The following ABHD12 variants were observed in gnomAD, a reference collection of about 807,000 sequenced individuals.
ABHD12 encodes lysophosphatidylserine lipase ABHD12.
In ABHD12, 43 loss-of-function variants were observed where a neutral mutation model predicts 58.3. That is an observed-to-expected ratio of 0.74 (90% CI 0.58 to 0.95). The LOEUF is 0.95. ABHD12 is among the 40% of genes least tolerant of loss of function. The pLI, the probability that ABHD12 is intolerant of heterozygous loss-of-function variation, is 0.00. For missense variants in ABHD12, 539 were observed against 537.2 expected (o/e 1.00, Z -0.03); for synonymous variants, 219 against 211.2 (o/e 1.04, Z -0.32).
chr20:25,314,927 C>G lies in ABHD12; in HGVS notation c.617G>C (p.Arg206Thr). ...LGYHVVTFDY[R>T]GWGDSVGTPS... ...TGCTCTTGCAAAAGAAATCTCACCT[C>G]TGTAGTCAAAGGTGACCACATGGTA... The change falls in exon 6 of 13, where the codon AGA (arginine) becomes ACA (threonine). Residue 206 changes from arginine to threonine, a missense_variant and splice_region_variant. Arg to Thr is a moderately conservative substitution (Grantham distance 71). Transcript: ENST00000339157. 1 of 1,614,142 alleles carries G rather than the reference C, an allele frequency of 6.2e-7. No individual in the cohort carries two copies. Among genetic ancestry groups the G allele is most frequent in the South Asian group, 1.1e-5 (1 of 91,086 alleles).
chr20:25,368,040 C>T (rs775494691), intron 1 of ABHD12, among the ~76,000 whole-genome samples: 1 of 152,216 alleles, frequency 6.6e-6, no homozygotes, highest in Non-Finnish European at 1.5e-5. Flanking sequence ...TCCAATTTCT[C>T]ATATCATTGC....
chr20:25,388,505 C>T lies in ABHD12; in HGVS notation c.191+2008G>A, dbSNP rs556844981. 3.3e-5 allele frequency among the ~76,000 whole-genome samples: 5 copies of T among 152,182 alleles called. No individual in the cohort carries two copies. In the East Asian group the frequency reaches 9.7e-4, roughly 29 times the overall value. On this transcript the variant is annotated intron_variant, in intron 1 of 12. Transcript: ENST00000339157. ...CTCAGTGAGGAGGAGGTGATGGTGG[C>T]GCAGAGCCTGAGCGAGGAAGAGAAG...
intron 2 of ABHD12, among the ~76,000 whole-genome samples, chr20:25,336,019 A>G (rs939503735): frequency 1.8e-4 from 28 of 152,126 alleles, no homozygotes; most frequent in African/African-American, 6.5e-4. Flanking sequence ...CTATTTCCAA[A>G]AAAGCCCTCC....
At chr20:25,320,086 T>G in intron 4 of ABHD12, 113 bp downstream of exon 4, 1 of 1,502,930 alleles carries the variant, frequency 6.7e-7, no homozygotes. Flanking sequence ...GTACACCCAA[T>G]TTTGTGGGAC....
At chr20:25,334,913 A>C (rs2089337855) in intron 2 of ABHD12, among the ~76,000 whole-genome samples, 1 of 151,676 alleles carries the variant, frequency 6.6e-6, no homozygotes, top group Non-Finnish European at 1.5e-5. Context: ...TTCATGTCTA[A>C]AACACCAAAA....
At chr20:25,312,838 C>T in intron 6 of ABHD12, among the ~76,000 whole-genome samples, 1 of 151,926 alleles carries the variant, frequency 6.6e-6, no homozygotes, top group African/African-American at 2.4e-5. Flanking sequence ...GCGACCCCGT[C>T]TGGGAGGTGA....
intron 1 of ABHD12, among the ~76,000 whole-genome samples, chr20:25,381,102 C>T (rs1365221848): frequency 6.6e-6 from 1 of 152,124 alleles, no homozygotes; most frequent in Non-Finnish European, 1.5e-5. Context: ...CCCTGCTTGC[C>T]CACCGCAGTC....
intron 1 of ABHD12, among the ~76,000 whole-genome samples, chr20:25,364,089 G>A (rs2089788545): frequency 6.6e-6 from 1 of 152,130 alleles, no homozygotes; most frequent in Non-Finnish European, 1.5e-5. Flanking sequence ...TGATCATCAG[G>A]ACAGGTCACA....
chr20:25,376,590 A>G (rs183755167), intron 1 of ABHD12, among the ~76,000 whole-genome samples: 1 of 152,348 alleles, frequency 6.6e-6, no homozygotes, highest in Admixed American at 6.5e-5. Flanking sequence ...TGCTTTACAC[A>G]CAGCCACATA....
At chr20:25,309,659 G>A in intron 6 of ABHD12, 84 bp from the exon 7 acceptor site, 1 of 1,588,688 alleles carries the variant, frequency 6.3e-7, no homozygotes, top group Non-Finnish European at 8.6e-7. Context: ...GGGGCCCAGG[G>A]CCAGGAGGAG....
At position 25,300,684 on chromosome 20, in the gene ABHD12, C is replaced by CA; in HGVS notation, c.*160dup. On this transcript the variant is annotated 3_prime_UTR_variant, in exon 13 of 13. Transcript: ENST00000339157. ...CAGGCCTCCGGGCACTGCAGGCCTG[C>CA]AGGGGCCTCCCCGCCTGGGATCTGA... 2.0e-6 allele frequency: 3 copies of CA among 1,531,950 alleles called. 1 individual carries two copies. In the South Asian group the frequency reaches 3.6e-5, roughly 18 times the overall value. The allele number at this position is 1,531,950 out of a possible 1,614,324, so 94.9% of individuals were successfully genotyped here.
In ABHD12 at chr20:25,312,829, C is replaced by T. The variant is rs568690753; in HGVS notation, c.619+2096G>A. ...TGTGAGGAGCGCCTCTGCCCGGCCG[C>T]GACCCCGTCTGGGAGGTGAGGAGCG... On this transcript the variant is annotated intron_variant, in intron 6 of 12. Coordinates refer to ENST00000339157, the MANE Select transcript of ABHD12 (RefSeq NM_001042472.3). Among the ~76,000 whole-genome samples, 6 of 151,552 alleles carry T rather than the reference C, an allele frequency of 4.0e-5. No homozygotes were observed. The East Asian group carries it at 5.8e-4, about 15-fold the overall frequency.
intron 2 of ABHD12, among the ~76,000 whole-genome samples, chr20:25,325,746 G>A (rs182865484): frequency 6.6e-6 from 1 of 152,238 alleles, no homozygotes. Context: ...AAGCCACTCA[G>A]TTTGCAGGTT....
chr20:25,362,530 C>T (rs183894394), intron 1 of ABHD12, among the ~76,000 whole-genome samples: 3,182 of 144,468 alleles, frequency 0.022, 106 homozygotes, highest in African/African-American at 0.076. Context: ...CGCGCCACTG[C>T]ACTCCAGCCT....
chr20:25,372,112 C>G (rs2089906444), intron 1 of ABHD12, among the ~76,000 whole-genome samples: 1 of 152,160 alleles, frequency 6.6e-6, no homozygotes, highest in Non-Finnish European at 1.5e-5. Context: ...AGCGATCCCA[C>G]CATCTTGATC....
chr20:25,314,795 G>A, intron 6 of ABHD12, 130 bp downstream of exon 6: 4 of 1,043,932 alleles, frequency 3.8e-6, no homozygotes, highest in Non-Finnish European at 6.0e-6. Flanking sequence ...TCAGGACCCA[G>A]GACACCATCA....
At chr20:25,369,470 C>A (rs1226320145) in intron 1 of ABHD12, among the ~76,000 whole-genome samples, 2 of 152,146 alleles carry the variant, frequency 1.3e-5, no homozygotes, top group Non-Finnish European at 2.9e-5. Flanking sequence ...ACCTGTCTTG[C>A]AGAAACTCCA....
chr20:25,307,714 G>A (rs938952871), intron 9 of ABHD12, among the ~76,000 whole-genome samples: 4 of 152,332 alleles, frequency 2.6e-5, no homozygotes, highest in South Asian at 4.1e-4. Context: ...ATGACACCAC[G>A]TGAGCCCGGC....
chr20:25,330,106 G>A (rs530892207), intron 2 of ABHD12, among the ~76,000 whole-genome samples: 79 of 152,356 alleles, frequency 5.2e-4, no homozygotes, highest in African/African-American at 1.8e-3. Context: ...GTGGGTACGC[G>A]CACCGTGCGC....
Sources: allele counts gnomAD v4.1 joint callset (sites outside exome capture counted in the v4.1 genomes callset), GRCh38; gene constraint gnomAD v4.1.1; transcripts MANE v1.5; gene names NCBI Gene and HGNC (gene_info 2026-07-23, HGNC 2026-07-21).